The following UBE2F variants were observed in gnomAD, a reference collection of about 807,000 sequenced individuals.
UBE2F encodes the protein NEDD8-conjugating enzyme UBE2F.
UBE2F carries 5 observed loss-of-function variants against 29.6 expected under a neutral mutation model. The observed-to-expected ratio is 0.17, with a 90% CI of 0.09 to 0.36. The LOEUF is 0.36. UBE2F is among the 10% of genes least tolerant of loss of function. The pLI is 1.00. For missense variants in UBE2F, 141 were observed against 228.5 expected (o/e 0.62, Z 2.47); for synonymous variants, 66 against 81.8 (o/e 0.81, Z 1.04).
chr2:238,029,595 CAAAA>C (rs10557852), intron 6 of UBE2F, among the ~76,000 whole-genome samples: 4 of 134,966 alleles, frequency 3.0e-5, no homozygotes, highest in Non-Finnish European at 3.2e-5. Flanking sequence ...GACTCCGTCT[CAAAA>C]AAAAAAAAAA....
chr2:238,017,713 T>C (rs934678323), intron 5 of UBE2F, among the ~76,000 whole-genome samples: 4 of 152,176 alleles, frequency 2.6e-5, no homozygotes, highest in Non-Finnish European at 5.9e-5. Flanking sequence ...GTATTCCTAC[T>C]CACGTGTTCT....
intron 5 of UBE2F, among the ~76,000 whole-genome samples, chr2:238,023,084 G>C (rs1277071745): frequency 6.6e-6 from 1 of 152,208 alleles, no homozygotes; most frequent in East Asian, 1.9e-4. Context: ...CTCCGCAGAA[G>C]GGGTACCTGC....
At chr2:238,034,652 C>T (rs1463183580) in intron 8 of UBE2F, among the ~76,000 whole-genome samples, 1 of 151,922 alleles carries the variant, frequency 6.6e-6, no homozygotes, top group East Asian at 1.9e-4. Flanking sequence ...ATATTTTTGC[C>T]TTTTTCTAGG....
In UBE2F at chr2:237,987,996, A is replaced by C; in HGVS notation, c.148+4A>C. 6.6e-7 allele frequency: 1 copy of C among 1,505,186 alleles called. No individual in the cohort carries two copies. The allele number at this position is 1,505,186 out of a possible 1,614,324, so 93.2% of individuals were successfully genotyped here. On this transcript the variant is annotated splice_donor_region_variant and intron_variant, in intron 3 of 9. Transcript: ENST00000272930. ...GAACTTGAAGCTAATTTACCTTGTA[A>C]GTATAGCATCCCCAAACACTAAGTA... is the stretch of plus-strand genomic sequence containing the variant.
intron 8 of UBE2F, among the ~76,000 whole-genome samples, chr2:238,033,918 C>G (rs891884958): frequency 2.6e-5 from 4 of 152,160 alleles, no homozygotes; most frequent in African/African-American, 9.7e-5. Flanking sequence ...TAATATTGAG[C>G]CTTGGCATCT....
At chr2:238,029,377 A>AG (rs2064516147) in intron 6 of UBE2F, among the ~76,000 whole-genome samples, 1 of 152,092 alleles carries the variant, frequency 6.6e-6, no homozygotes, top group South Asian at 2.1e-4. Flanking sequence ...TCACGAGGTC[A>AG]GGAGATCGAG....
chr2:238,032,660 G>C (rs1425847778), intron 8 of UBE2F: 1 of 171,984 alleles, frequency 5.8e-6, no homozygotes, highest in Non-Finnish European at 1.2e-5. Context: ...GGCTGGGCAT[G>C]GTGGCTCACA....
intron 4 of UBE2F, among the ~76,000 whole-genome samples, chr2:237,998,577 A>G (rs907582215): frequency 1.3e-5 from 2 of 151,428 alleles, no homozygotes; most frequent in African/African-American, 4.8e-5. Flanking sequence ...GCTAGTATCA[A>G]TAAACCAAAA....
intron 9 of UBE2F, among the ~76,000 whole-genome samples, 182 bp from the exon 10 acceptor site, chr2:238,041,106 A>G (rs1180149505): frequency 6.6e-6 from 1 of 152,122 alleles, no homozygotes; most frequent in African/African-American, 2.4e-5. Flanking sequence ...TCTTGCGTGC[A>G]GTAGGCACCC....
At chr2:237,980,569 G>A (rs532201843) in intron 2 of UBE2F, among the ~76,000 whole-genome samples, 3 of 152,150 alleles carry the variant, frequency 2.0e-5, no homozygotes, top group Non-Finnish European at 2.9e-5. Context: ...CACATTGGGG[G>A]TTAGAGCTTC....
At chr2:238,009,518 T>C (rs1032077667) in intron 4 of UBE2F, among the ~76,000 whole-genome samples, 2 of 152,246 alleles carry the variant, frequency 1.3e-5, no homozygotes, top group Admixed American at 6.5e-5. Context: ...TTTCAGATAC[T>C]GTATTTTCTA....
intron 2 of UBE2F, among the ~76,000 whole-genome samples, chr2:237,976,179 G>T (rs2063279363): frequency 6.6e-6 from 1 of 152,232 alleles, no homozygotes; most frequent in South Asian, 2.1e-4. Context: ...TAGGACTTGA[G>T]TGTCTTCTCA....
At position 238,039,591 on chromosome 2, in the gene UBE2F, TTGAG is replaced by T. The variant is rs2064796044; in HGVS notation, c.508-1695_508-1692del. ...GCCAAGAAGCTGAGAATCACCATGA[TTGAG>T]TAGCCCATTGGAGGCAGAGCCCAGG... is the stretch of plus-strand genomic sequence containing the variant. On this transcript the variant is annotated intron_variant, in intron 9 of 9. Transcript: ENST00000272930. Among the ~76,000 whole-genome samples the T allele has an allele frequency of 4.6e-5, 7 of 152,314 alleles. No homozygotes were observed. The South Asian group carries it at 1.4e-3, about 32-fold the overall frequency.
chr2:238,028,139 C>T (rs2064478034), intron 6 of UBE2F, among the ~76,000 whole-genome samples: 1 of 152,260 alleles, frequency 6.6e-6, no homozygotes, highest in Admixed American at 6.5e-5. Flanking sequence ...GCTAGAACTT[C>T]CTCAGTGACT....
At chr2:237,986,142 C>CTTTTTT (rs66771814) in intron 2 of UBE2F, 5 of 261,090 alleles carry the variant, frequency 1.9e-5, no homozygotes, top group African/African-American at 1.2e-4. Flanking sequence ...CTTTTCTTTT[C>CTTTTTT]TTTTTTTTTT....
intron 4 of UBE2F, among the ~76,000 whole-genome samples, chr2:238,009,945 C>G (rs1559217028): frequency 6.6e-6 from 1 of 152,262 alleles, no homozygotes; most frequent in Non-Finnish European, 1.5e-5. Flanking sequence ...CCCATCATCA[C>G]AGTTTTTTGT....
chr2:237,988,015 C>A, intron 3 of UBE2F, 23 bp downstream of exon 3: 1 of 1,457,012 alleles, frequency 6.9e-7, no homozygotes, highest in South Asian at 1.4e-5. Flanking sequence ...TCCCCAAACA[C>A]TAAGTACTGT....
In UBE2F at chr2:238,036,488, A is replaced by AT. The variant is rs570624057; in HGVS notation, c.507+558dup. On this transcript the variant is annotated intron_variant, in intron 9 of 9. Transcript: ENST00000272930. ...AGCTACGGCGCCCAGCCGAGAAGTG[A>AT]TTTTTTTTTTATGTGATTTCCTAGT... Among the ~76,000 whole-genome samples the AT allele has an allele frequency of 2.5e-3, 381 of 150,244 alleles. 1 individual carries two copies. The highest frequency in any genetic ancestry group is 0.024 in the Middle Eastern group (7 of 292).
chr2:238,016,736 G>A (rs2064162651), intron 5 of UBE2F, 103 bp downstream of exon 5: 1 of 898,112 alleles, frequency 1.1e-6, no homozygotes, highest in African/African-American at 1.7e-5. Context: ...CTCTGCGTGT[G>A]TCCATGTGTG....
Sources: gnomAD v4.1 joint callset for allele counts (sites outside exome capture counted in the v4.1 genomes callset) on GRCh38, gnomAD v4.1.1 for gene constraint, MANE v1.5 for transcripts, NCBI Gene and HGNC (gene_info 2026-07-23, HGNC 2026-07-21) for gene names.